Variants in FBXL13 observed in about 807,000 individuals in gnomAD.
FBXL13 encodes F-box and leucine-rich repeat protein 13.
A neutral mutation model predicts 83.6 loss-of-function variants in FBXL13; 67 were observed. The ratio of observed to expected loss-of-function variants is 0.80; its 90% CI spans 0.66 to 0.98. The LOEUF (loss-of-function observed/expected upper bound fraction) is 0.98. FBXL13 is among the 50% of genes least tolerant of loss of function. The pLI is 0.00. For missense variants in FBXL13, 822 were observed against 866.5 expected (o/e 0.95, Z 0.64); for synonymous variants, 272 against 299.5 (o/e 0.91, Z 0.95).
At chr7:102,822,535 A>G in intron 18 of FBXL13, 1 of 473,680 alleles carries the variant, frequency 2.1e-6, no homozygotes, top group Non-Finnish European at 4.2e-6. Flanking sequence ...GACCTCTTCT[A>G]AATCTGTTTA....
chr7:102,817,346 C>A (rs1442621385), intron 19 of FBXL13, among the ~76,000 whole-genome samples: 1 of 152,048 alleles, frequency 6.6e-6, no homozygotes, highest in Non-Finnish European at 1.5e-5. Flanking sequence ...TTTTGCATTT[C>A]TCTGATGATT....
At chr7:102,879,852 G>A (rs1198178926) in intron 14 of FBXL13, among the ~76,000 whole-genome samples, 1 of 152,086 alleles carries the variant, frequency 6.6e-6, no homozygotes, top group Non-Finnish European at 1.5e-5. Flanking sequence ...GACTACAGGC[G>A]ACTGCCACCA....
rs141202991 is a variant in FBXL13, at chr7:102,848,898, G to C, written c.1719+5879C>G. 0.014 allele frequency among the ~76,000 whole-genome samples: 2,136 copies of C among 152,244 alleles called. 118 individuals carry two copies. In the East Asian group the frequency reaches 0.16, roughly 11 times the overall value. On this transcript the variant is annotated intron_variant, in intron 17 of 19. Coordinates refer to ENST00000313221, the Ensembl canonical transcript of FBXL13. ...GCCTGTAATCCCAGCTACTCGGGAG[G>C]CTGAGGCAGGGGAATCACTTGAACC...
intron 8 of FBXL13, among the ~76,000 whole-genome samples, chr7:102,955,636 G>T (rs979487846): frequency 2.0e-5 from 3 of 150,570 alleles, no homozygotes; most frequent in African/African-American, 7.3e-5. Flanking sequence ...TTGACAGACT[G>T]CTAGCAAGAC....
intron 2 of FBXL13, among the ~76,000 whole-genome samples, chr7:103,047,449 T>C (rs1183286488): frequency 6.6e-6 from 1 of 152,228 alleles, no homozygotes; most frequent in East Asian, 1.9e-4. Flanking sequence ...TTATCACAGG[T>C]AATGAGACTT....
chr7:103,072,759 C>G (rs994485163), intron 1 of FBXL13, among the ~76,000 whole-genome samples: 1 of 152,238 alleles, frequency 6.6e-6, no homozygotes, highest in Admixed American at 6.5e-5. Context: ...TCACTCACCT[C>G]TTAGAGGAGT....
Position 102,835,482 on chromosome 7 carries a change from G to A in FBXL13, c.1720-2508C>T, listed in dbSNP as rs1801719074. On this transcript the variant is annotated intron_variant, in intron 17 of 19. Coordinates refer to ENST00000313221, the Ensembl canonical transcript of FBXL13. ...TATCCCTTTCCCAAACATCATATTA[G>A]AACACAGTAAGTGCTCAGTACATAC... Among the ~76,000 whole-genome samples the A allele has an allele frequency of 2.0e-5, 3 of 151,952 alleles. No homozygotes were observed. The South Asian group carries it at 6.2e-4, about 31-fold the overall frequency.
intron 16 of FBXL13, among the ~76,000 whole-genome samples, chr7:102,874,969 G>A (rs989383625): frequency 1.3e-5 from 2 of 152,100 alleles, no homozygotes; most frequent in African/African-American, 2.4e-5. Context: ...ACTAAATAAA[G>A]CATTTTAACC....
intron 7 of FBXL13, among the ~76,000 whole-genome samples, chr7:102,966,839 T>C (rs1440773701): frequency 6.6e-6 from 1 of 152,262 alleles, no homozygotes; most frequent in East Asian, 1.9e-4. Flanking sequence ...TTCACAAATG[T>C]AAACTTTTAG....
intron 16 of FBXL13, among the ~76,000 whole-genome samples, chr7:102,865,817 T>C (rs148529224): frequency 0.024 from 3,670 of 152,204 alleles, 162 homozygotes; most frequent in African/African-American, 0.083. Flanking sequence ...GTGCTGGGAT[T>C]ACAGGGGTGT....
intron 2 of FBXL13, among the ~76,000 whole-genome samples, chr7:103,045,287 T>A (rs1478609092): frequency 6.6e-6 from 1 of 152,224 alleles, no homozygotes; most frequent in African/African-American, 2.4e-5. Flanking sequence ...ATACTCCTAG[T>A]TAGGTTTTCA....
intron 1 of FBXL13, among the ~76,000 whole-genome samples, chr7:103,069,719 G>A (rs61666915): frequency 0.01 from 1,556 of 152,314 alleles, 25 homozygotes; most frequent in African/African-American, 0.035. Context: ...CTTTGCTGGC[G>A]AAAGAGTATA....
intron 2 of FBXL13, among the ~76,000 whole-genome samples, chr7:103,038,004 A>C (rs928035155): frequency 3.3e-5 from 5 of 152,124 alleles, no homozygotes; most frequent in Admixed American, 1.3e-4. Context: ...GCATCGCCTC[A>C]CCCAGGAAGT....
chr7:102,958,357 C>T (rs181527084), intron 8 of FBXL13, among the ~76,000 whole-genome samples: 39 of 146,082 alleles, frequency 2.7e-4, no homozygotes, highest in African/African-American at 7.4e-4. Context: ...GAACACAGGG[C>T]GGGGAACATC....
intron 2 of FBXL13, among the ~76,000 whole-genome samples, chr7:103,042,933 C>A (rs373383195): frequency 6.6e-6 from 1 of 152,114 alleles, no homozygotes; most frequent in Non-Finnish European, 1.5e-5. Context: ...GATTAAAACA[C>A]CAAAAGCAAT....
At chr7:102,972,710 TATAAAAAGATAATAAATAATAA>T (rs1347308045) in intron 6 of FBXL13, among the ~76,000 whole-genome samples, 44 of 151,414 alleles carry the variant, frequency 2.9e-4, no homozygotes, top group African/African-American at 1.0e-3. Context: ...AAATAAAACA[TATAAAAAGATAATAAATAATAA>T]ATAAAAAGAT....
intron 17 of FBXL13, among the ~76,000 whole-genome samples, chr7:102,841,311 G>T (rs1358135810): frequency 6.6e-6 from 1 of 151,874 alleles, no homozygotes; most frequent in East Asian, 1.9e-4. Context: ...TGTTCCAGGG[G>T]CAGCTTAAAG....
chr7:102,880,016 G>A (rs1809817195), intron 14 of FBXL13, among the ~76,000 whole-genome samples: 1 of 152,150 alleles, frequency 6.6e-6, no homozygotes, highest in Non-Finnish European at 1.5e-5. Context: ...GGCATCTATA[G>A]TTTTATTCAG....
chr7:103,007,296 T>A (rs1791088729), intron 6 of FBXL13, among the ~76,000 whole-genome samples: 1 of 151,350 alleles, frequency 6.6e-6, no homozygotes, highest in Non-Finnish European at 1.5e-5. Context: ...CACATCATAA[T>A]CAAACTGCTG....
Sources: allele counts gnomAD v4.1 joint callset (sites outside exome capture counted in the v4.1 genomes callset), GRCh38; gene constraint gnomAD v4.1.1; transcripts MANE v1.5; gene names NCBI Gene and HGNC (gene_info 2026-07-23, HGNC 2026-07-21).